Variants in IPCEF1 observed in about 807,000 individuals in gnomAD.
The protein encoded by IPCEF1 is interactor protein for cytohesin exchange factors 1.
A neutral mutation model predicts 50.9 loss-of-function variants in IPCEF1; 31 were observed. The observed-to-expected ratio is 0.61, with a 90% confidence interval of 0.46 to 0.82. IPCEF1 has a LOEUF of 0.82. IPCEF1 is among the 40% of genes least tolerant of loss of function. The pLI is 0.00. For synonymous variants in IPCEF1, 181 were observed against 192.0 expected, an observed-to-expected ratio of 0.94 and a Z score of 0.47; for missense variants, 458 against 514.0, an observed-to-expected ratio of 0.89 and a Z score of 1.05.
At chr6:154,185,168 G>A (rs1450594265) in intron 10 of IPCEF1, among the ~76,000 whole-genome samples, 11 of 152,122 alleles carry the variant, frequency 7.2e-5, no homozygotes, top group African/African-American at 2.4e-4. Flanking sequence ...ATACTCAGCT[G>A]TATGTGAAAG....
chr6:154,314,498 G>A (rs1293926), intron 1 of IPCEF1, among the ~76,000 whole-genome samples: 32,586 of 152,112 alleles, frequency 0.21, 4,169 homozygotes, highest in Non-Finnish European at 0.3. Context: ...TATCTACCTA[G>A]GAAACTTTTG....
chr6:154,350,211 G>C (rs937351572), intron 1 of IPCEF1, among the ~76,000 whole-genome samples: 1 of 152,058 alleles, frequency 6.6e-6, no homozygotes, highest in African/African-American at 2.4e-5. Flanking sequence ...TTTTATATTT[G>C]GATCAAAGTT....
intron 10 of IPCEF1, among the ~76,000 whole-genome samples, chr6:154,192,823 G>A (rs1190624026): frequency 6.6e-6 from 1 of 152,126 alleles, no homozygotes; most frequent in East Asian, 1.9e-4. Flanking sequence ...ACCATAATGT[G>A]ATACCACCTT....
chr6:154,244,331 T>G (rs2128640094), intron 5 of IPCEF1, among the ~76,000 whole-genome samples: 1 of 151,714 alleles, frequency 6.6e-6, no homozygotes, highest in East Asian at 1.9e-4. Flanking sequence ...TGTGTGTTTG[T>G]GGTGGAGAGG....
intron 3 of IPCEF1, among the ~76,000 whole-genome samples, chr6:154,264,380 A>AT (rs1448471677): frequency 6.6e-6 from 1 of 151,638 alleles, no homozygotes; most frequent in Non-Finnish European, 1.5e-5. Flanking sequence ...ATTTTATTTT[A>AT]TTTTTTTAAT....
chr6:154,263,697 TC>T (rs138074105), intron 3 of IPCEF1, among the ~76,000 whole-genome samples: 991 of 69,000 alleles, frequency 0.014, 35 homozygotes, highest in African/African-American at 0.026. Context: ...TCCCCACCCT[TC>T]CCCCCTTTCT....
At chr6:154,327,750 A>G (rs1783557461) in intron 1 of IPCEF1, among the ~76,000 whole-genome samples, 2 of 152,196 alleles carry the variant, frequency 1.3e-5, no homozygotes, top group Non-Finnish European at 2.9e-5. Context: ...AAATCATTCT[A>G]TTATAAAGAT....
chr6:154,228,754 G>A (rs1244720899), intron 5 of IPCEF1, among the ~76,000 whole-genome samples: 1 of 152,194 alleles, frequency 6.6e-6, no homozygotes, highest in East Asian at 1.9e-4. Flanking sequence ...AGATGTGGTG[G>A]CTCATGCCTG....
chr6:154,269,387 A>C (rs1384345745), intron 2 of IPCEF1, among the ~76,000 whole-genome samples: 1 of 152,162 alleles, frequency 6.6e-6, no homozygotes, highest in Non-Finnish European at 1.5e-5. Flanking sequence ...GGGATGGGAG[A>C]CAGCTAGGGA....
chr6:154,351,560 C>T (rs1410618326), intron 1 of IPCEF1, among the ~76,000 whole-genome samples: 1 of 152,216 alleles, frequency 6.6e-6, no homozygotes, highest in Non-Finnish European at 1.5e-5. Context: ...CTGCTCTGCT[C>T]AGACTCGCCC....
intron 5 of IPCEF1, among the ~76,000 whole-genome samples, chr6:154,231,279 A>C (rs905386608): frequency 6.6e-6 from 1 of 152,250 alleles, no homozygotes; most frequent in African/African-American, 2.4e-5. Flanking sequence ...AGTTCTATGG[A>C]GAAACAGTCA....
intron 2 of IPCEF1, among the ~76,000 whole-genome samples, chr6:154,281,404 A>C (rs1443073391): frequency 6.6e-6 from 1 of 151,984 alleles, no homozygotes; most frequent in Non-Finnish European, 1.5e-5. Flanking sequence ...GTGCATGCCT[A>C]TAATCCTAGC....
intron 10 of IPCEF1, among the ~76,000 whole-genome samples, chr6:154,195,608 T>C (rs1187118839): frequency 2.6e-5 from 4 of 152,108 alleles, no homozygotes; most frequent in African/African-American, 7.2e-5. Flanking sequence ...TGTACATATC[T>C]TGCCACTTAG....
intron 3 of IPCEF1, among the ~76,000 whole-genome samples, chr6:154,256,503 A>G (rs144507473): frequency 3.3e-5 from 5 of 151,862 alleles, no homozygotes; most frequent in East Asian, 3.9e-4. Context: ...CTATCTGTCT[A>G]TATGGCATTC....
chr6:154,312,935 T>C (rs1259598165), intron 1 of IPCEF1, among the ~76,000 whole-genome samples: 1 of 151,890 alleles, frequency 6.6e-6, no homozygotes, highest in Non-Finnish European at 1.5e-5. Context: ...GAACTTTTTC[T>C]TGGGCAGGGC....
intron 5 of IPCEF1, among the ~76,000 whole-genome samples, chr6:154,232,700 G>T (rs929704147): frequency 6.6e-6 from 1 of 152,104 alleles, no homozygotes; most frequent in Non-Finnish European, 1.5e-5. Context: ...TTAATGTCTC[G>T]ATGTAAGCCA....
chr6:154,272,023 A>C (rs772730008), intron 2 of IPCEF1, among the ~76,000 whole-genome samples: 5 of 152,222 alleles, frequency 3.3e-5, no homozygotes, highest in Non-Finnish European at 7.3e-5. Flanking sequence ...TGTAGATTAC[A>C]GTCAAGTAGG....
chr6:154,270,523 A>G (rs537822246), intron 2 of IPCEF1, among the ~76,000 whole-genome samples: 150 of 152,310 alleles, frequency 9.8e-4, no homozygotes, highest in Non-Finnish European at 1.8e-3. Context: ...AAAAATATTT[A>G]TCTGTTTTAT....
At chr6:154,341,449 T>C (rs1032745915) in intron 1 of IPCEF1, among the ~76,000 whole-genome samples, 11 of 152,166 alleles carry the variant, frequency 7.2e-5, no homozygotes, top group African/African-American at 1.9e-4. Flanking sequence ...ATGATTGATA[T>C]TGAAAGGAAT....
Sources: allele counts gnomAD v4.1 joint callset (sites outside exome capture counted in the v4.1 genomes callset), GRCh38; gene constraint gnomAD v4.1.1; transcripts MANE v1.5; gene names NCBI Gene and HGNC (gene_info 2026-07-23, HGNC 2026-07-21).